Variants in DHX35 observed in about 807,000 individuals in gnomAD.
DHX35 encodes probable ATP-dependent RNA helicase DHX35.
Under a neutral mutation model 99.6 loss-of-function variants are expected in DHX35, and 84 were observed. The ratio of observed to expected loss-of-function variants is 0.84; its 90% CI spans 0.71 to 1.01. The LOEUF (loss-of-function observed/expected upper bound fraction) is 1.01, where lower values mean the gene tolerates loss of function less well. DHX35 is among the 50% of genes least tolerant of loss of function. The probability of loss-of-function intolerance (pLI) is 0.00; values close to 1 mark genes in which losing one functional copy is unlikely to be tolerated. For synonymous variants in DHX35, 331 were observed against 316.2 expected (o/e 1.05, Z -0.50); for missense variants, 852 against 888.5 (o/e 0.96, Z 0.52).
intron 14 of DHX35, among the ~76,000 whole-genome samples, chr20:39,016,693 C>G (rs1459231130): frequency 6.6e-6 from 1 of 152,038 alleles, no homozygotes; most frequent in African/African-American, 2.4e-5. Flanking sequence ...TTGTAATTGT[C>G]TTTTGTGTTA....
chr20:38,975,389 T>C (rs888318298), intron 3 of DHX35, among the ~76,000 whole-genome samples: 2 of 152,254 alleles, frequency 1.3e-5, no homozygotes, highest in Non-Finnish European at 2.9e-5. Context: ...TAGAGAGTAA[T>C]ATAACAATAG....
At chr20:38,988,506 T>C (rs1302531976) in intron 4 of DHX35, among the ~76,000 whole-genome samples, 1 of 152,188 alleles carries the variant, frequency 6.6e-6, no homozygotes, top group Non-Finnish European at 1.5e-5. Context: ...GGCGCTTGCC[T>C]GTAATCCCAG....
At chr20:39,012,611 C>T (rs1198176999) in intron 13 of DHX35, among the ~76,000 whole-genome samples, 1 of 151,892 alleles carries the variant, frequency 6.6e-6, no homozygotes, top group East Asian at 1.9e-4. Flanking sequence ...CTCATTGCAA[C>T]CTCTGCCTCT....
Position 39,038,858 on chromosome 20 carries a change from A to T in DHX35, c.*315A>T. On this transcript the variant is annotated 3_prime_UTR_variant, in exon 22 of 22. Coordinates refer to ENST00000252011, the MANE Select transcript of DHX35 (RefSeq NM_021931.4). ...AGGCATGCAGTCCTGGCCCAGCTCT[A>T]TGGGAAACAAGGAGGAAAGTTAGCC... The T allele has an allele frequency of 2.5e-6, 1 of 400,680 alleles. No homozygotes were observed. The highest frequency in any genetic ancestry group is 4.6e-6 in the Non-Finnish European group (1 of 219,666). 24.8% of individuals were successfully genotyped at this position (400,680 alleles called of 1,614,324 possible).
intron 4 of DHX35, among the ~76,000 whole-genome samples, chr20:38,985,841 C>T (rs1445546281): frequency 2.0e-5 from 3 of 152,140 alleles, no homozygotes; most frequent in Non-Finnish European, 4.4e-5. Flanking sequence ...ATAGAGCTGT[C>T]AAGTTTGAAA....
chr20:38,976,866 T>C (rs2086087686), intron 3 of DHX35, among the ~76,000 whole-genome samples: 1 of 152,244 alleles, frequency 6.6e-6, no homozygotes, highest in Non-Finnish European at 1.5e-5. Flanking sequence ...TTTGTCCTTC[T>C]GTGCTTGGCT....
chr20:38,983,925 C>T, intron 4 of DHX35, 149 bp downstream of exon 4: 3 of 711,086 alleles, frequency 4.2e-6, no homozygotes, highest in South Asian at 2.1e-5. Context: ...TTATTTTTTT[C>T]CTCAGACAGA....
intron 21 of DHX35, among the ~76,000 whole-genome samples, chr20:39,037,925 GA>G (rs11357172): frequency 0.2 from 29,303 of 149,522 alleles, 3,467 homozygotes; most frequent in African/African-American, 0.33. Context: ...CATTTCTGGG[GA>G]AAAAAAAAAG....
chr20:39,038,309 A>G (rs778666031), intron 21 of DHX35, among the ~76,000 whole-genome samples, 190 bp from the exon 22 acceptor site: 1 of 152,222 alleles, frequency 6.6e-6, no homozygotes, highest in African/African-American at 2.4e-5. Flanking sequence ...TGGCGGCTGA[A>G]TTCAGGTCGG....
At chr20:39,006,084 C>T (rs953422791) in intron 11 of DHX35, 62 bp from the exon 12 acceptor site, 54 of 1,548,044 alleles carry the variant, frequency 3.5e-5, no homozygotes, top group South Asian at 2.2e-4. Flanking sequence ...AGGATTTTTA[C>T]GAGTTTGTTA....
chr20:38,982,869 A>G (rs1167153038), intron 3 of DHX35, among the ~76,000 whole-genome samples: 2 of 152,230 alleles, frequency 1.3e-5, no homozygotes, highest in Non-Finnish European at 2.9e-5. Context: ...GCATATAATC[A>G]AATAAATACA....
chr20:39,005,099 C>T (rs1184202613), intron 11 of DHX35, among the ~76,000 whole-genome samples: 2 of 152,006 alleles, frequency 1.3e-5, no homozygotes, highest in Non-Finnish European at 2.9e-5. Context: ...ATCCCAACTA[C>T]ATAAAAATAT....
chr20:39,020,171 T>C (rs1431558801), intron 15 of DHX35, among the ~76,000 whole-genome samples: 2 of 152,376 alleles, frequency 1.3e-5, no homozygotes, highest in Non-Finnish European at 2.9e-5. Context: ...TTGGATTGCT[T>C]CCAAATTGTG....
At chr20:39,036,586 C>G (rs1019233577) in intron 21 of DHX35, among the ~76,000 whole-genome samples, 4 of 151,798 alleles carry the variant, frequency 2.6e-5, no homozygotes, top group Admixed American at 2.0e-4. Flanking sequence ...ATTAGCCGGG[C>G]ATGGTGGCAT....
intron 21 of DHX35, 85 bp downstream of exon 21, chr20:39,034,402 G>A: frequency 1.7e-6 from 2 of 1,147,530 alleles, no homozygotes; most frequent in Non-Finnish European, 2.6e-6. Context: ...CCAATTTAAT[G>A]CCCTATGTGT....
chr20:38,984,862 T>C (rs907825444), intron 4 of DHX35, among the ~76,000 whole-genome samples: 17 of 152,168 alleles, frequency 1.1e-4, no homozygotes, highest in African/African-American at 4.1e-4. Context: ...GTTTTGCTTT[T>C]ATTTCTTGTA....
chr20:38,970,420 TA>T (rs1003677694), intron 2 of DHX35, among the ~76,000 whole-genome samples: 3 of 152,232 alleles, frequency 2.0e-5, no homozygotes, highest in African/African-American at 7.2e-5. Flanking sequence ...CTCAAGTGAC[TA>T]ACACATTCAC....
intron 18 of DHX35, among the ~76,000 whole-genome samples, chr20:39,025,767 T>G (rs1349246960): frequency 6.6e-6 from 1 of 152,220 alleles, no homozygotes; most frequent in East Asian, 1.9e-4. Context: ...GTGCTGGATA[T>G]TTAGCCTAGG....
At chr20:39,017,828 G>T (rs1204424720) in intron 14 of DHX35, among the ~76,000 whole-genome samples, 1 of 152,190 alleles carries the variant, frequency 6.6e-6, no homozygotes, top group Non-Finnish European at 1.5e-5. Flanking sequence ...GAGGGATCTG[G>T]GTTAGTGTTT....
Sources: allele counts gnomAD v4.1 joint callset (sites outside exome capture counted in the v4.1 genomes callset), GRCh38; gene constraint gnomAD v4.1.1; transcripts MANE v1.5; gene names NCBI Gene and HGNC (gene_info 2026-07-23, HGNC 2026-07-21).